Variants in C9 observed in about 807,000 individuals in gnomAD.
C9 encodes the protein complement component C9.
A neutral mutation model predicts 65.4 loss-of-function variants in C9; 63 were observed. The observed-to-expected ratio is 0.96, with a 90% CI of 0.79 to 1.19. The LOEUF (loss-of-function observed/expected upper bound fraction) is 1.19. Ranked by LOEUF, C9 falls within the 50% of genes most tolerant of loss-of-function variation. The probability of loss-of-function intolerance (pLI) is 0.00; values close to 1 mark genes in which losing one functional copy is unlikely to be tolerated. For missense variants in C9, 744 were observed against 670.1 expected (o/e 1.11, Z -1.22); for synonymous variants, 229 against 227.9 (o/e 1.00, Z -0.04).
intron 5 of C9, among the ~76,000 whole-genome samples, chr5:39,326,371 C>T (rs1406150018): frequency 6.6e-6 from 1 of 152,120 alleles, no homozygotes; most frequent in East Asian, 1.9e-4. Flanking sequence ...TGGATTTTAT[C>T]TCTTCTTCTT....
chr5:39,302,432 G>A (rs914322219), intron 9 of C9, among the ~76,000 whole-genome samples: 2 of 152,064 alleles, frequency 1.3e-5, no homozygotes, highest in African/African-American at 4.8e-5. Flanking sequence ...AATAAACTAT[G>A]TATACCAACT....
intron 10 of C9, among the ~76,000 whole-genome samples, 156 bp from the exon 11 acceptor site, chr5:39,285,389 A>T (rs1486080182): frequency 6.6e-6 from 1 of 152,156 alleles, no homozygotes; most frequent in East Asian, 1.9e-4. Flanking sequence ...GGTACAAGGC[A>T]CATTTTCATA....
intron 5 of C9, among the ~76,000 whole-genome samples, chr5:39,327,449 T>C (rs1753766947): frequency 6.6e-6 from 1 of 152,098 alleles, no homozygotes; most frequent in South Asian, 2.1e-4. Flanking sequence ...ATAATAGAAC[T>C]TGAAGATTGA....
intron 5 of C9, among the ~76,000 whole-genome samples, chr5:39,323,820 T>C (rs115508783): frequency 0.029 from 4,472 of 152,020 alleles, 200 homozygotes; most frequent in African/African-American, 0.099. Context: ...AGAGCAATTA[T>C]GCAAAAGAAA....
intron 1 of C9, among the ~76,000 whole-genome samples, chr5:39,343,755 C>T (rs975809885): frequency 1.3e-5 from 2 of 152,224 alleles, no homozygotes; most frequent in African/African-American, 4.8e-5. Context: ...CCCAAGTAGC[C>T]TAACTGGGAG....
At chr5:39,285,966 G>A (rs1167519972) in intron 10 of C9, among the ~76,000 whole-genome samples, 1 of 152,052 alleles carries the variant, frequency 6.6e-6, no homozygotes, top group Admixed American at 6.6e-5. Context: ...TGGATGCTTG[G>A]AAGATCTACC....
chr5:39,341,521 A>G (rs1487903338), intron 3 of C9, 35 bp downstream of exon 3: 2 of 1,610,928 alleles, frequency 1.2e-6, no homozygotes, highest in South Asian at 1.1e-5. Context: ...AGGCACACAG[A>G]AAGCCACAAT....
At chr5:39,321,059 T>G (rs974726404) in intron 5 of C9, among the ~76,000 whole-genome samples, 4 of 152,034 alleles carry the variant, frequency 2.6e-5, no homozygotes, top group Non-Finnish European at 5.9e-5. Context: ...AAAAGAATGA[T>G]AATTCATAAC....
At chr5:39,312,220 G>A (rs571254098) in intron 6 of C9, among the ~76,000 whole-genome samples, 1 of 152,174 alleles carries the variant, frequency 6.6e-6, no homozygotes, top group Non-Finnish European at 1.5e-5. Flanking sequence ...TCTTGCTAAA[G>A]GAGATGGCTA....
At chr5:39,311,443 TG>T (rs1385341707) in intron 6 of C9, 66 bp from the exon 7 acceptor site, 3 of 1,545,810 alleles carry the variant, frequency 1.9e-6, no homozygotes, top group Non-Finnish European at 2.7e-6. Context: ...TGAAAATTTA[TG>T]AAATTTAGAA....
rs191935590 is a variant in C9, at chr5:39,334,839, G to A, written c.477-3025C>T. On this transcript the variant is annotated intron_variant, in intron 4 of 10. Transcript: ENST00000263408. ...GTGTGCCCAGCAGCTCATTGAGAAC[G>A]GGCCATGATGGCAATGGCAGTTTTG... 2.9e-3 allele frequency among the ~76,000 whole-genome samples: 446 copies of A among 152,256 alleles called. 1 individual carries two copies. The highest frequency in any genetic ancestry group is 2.9e-3 in the Non-Finnish European group (196 of 68,012).
At chr5:39,361,204 T>A (rs2111993091) in intron 1 of C9, among the ~76,000 whole-genome samples, 1 of 152,246 alleles carries the variant, frequency 6.6e-6, no homozygotes, top group Non-Finnish European at 1.5e-5. Context: ...AGATTACGTA[T>A]GAGTCTATGG....
chr5:39,293,184 A>G (rs1392606717), intron 9 of C9, among the ~76,000 whole-genome samples: 1 of 151,932 alleles, frequency 6.6e-6, no homozygotes, highest in Non-Finnish European at 1.5e-5. Flanking sequence ...ACAATCAATA[A>G]AAAGACAGGA....
At chr5:39,355,234 T>A (rs1360695546) in intron 1 of C9, among the ~76,000 whole-genome samples, 2 of 152,158 alleles carry the variant, frequency 1.3e-5, no homozygotes, top group African/African-American at 4.8e-5. Context: ...AAGGTAAAAC[T>A]CACTGCAAAT....
chr5:39,331,566 C>A, intron 5 of C9, 110 bp downstream of exon 5: 1 of 923,492 alleles, frequency 1.1e-6, no homozygotes, highest in South Asian at 1.3e-5. Context: ...GTCTTGTGTT[C>A]ATGTGAAATT....
In C9 at chr5:39,288,935, T is replaced by C; in HGVS notation, c.1433A>G (p.Asn478Ser). Reference sequence around the variant, plus strand: ...ATTTTTCATTTTCACTGGAACCAGATTATATATAGGAGACAGCTGAAAGGA... The same window carrying C: ...ATTTTTCATTTTCACTGGAACCAGACTATATATAGGAGACAGCTGAAAGGA... ...LISQKLSPIY[N>S]LVPVKMKNAH... Residue 478 changes from asparagine to serine, a missense_variant, in exon 10 of 11, where the codon AAT (asparagine) becomes AGT (serine). Asn to Ser is a conservative substitution (Grantham distance 46). Transcript: ENST00000263408. 2 of 1,598,894 alleles carry C rather than the reference T, an allele frequency of 1.3e-6. No individual in the cohort carries two copies. Among genetic ancestry groups the C allele is most frequent in the South Asian group, 1.1e-5 (1 of 90,752 alleles).
At chr5:39,344,842 G>A (rs891430930) in intron 1 of C9, among the ~76,000 whole-genome samples, 2 of 152,186 alleles carry the variant, frequency 1.3e-5, no homozygotes, top group Non-Finnish European at 2.9e-5. Flanking sequence ...AACTCTACAA[G>A]CCAGAAGAGA....
intron 1 of C9, among the ~76,000 whole-genome samples, chr5:39,362,863 G>T (rs931515140): frequency 6.6e-6 from 1 of 152,164 alleles, no homozygotes; most frequent in African/African-American, 2.4e-5. Context: ...GGCAACCGGG[G>T]CAAACTCAAG....
intron 1 of C9, among the ~76,000 whole-genome samples, chr5:39,355,954 G>A (rs1293085278): frequency 6.6e-6 from 1 of 152,068 alleles, no homozygotes; most frequent in Non-Finnish European, 1.5e-5. Context: ...CCTTTTTAAA[G>A]GCCTTAACTG....
Sources: allele counts gnomAD v4.1 joint callset (sites outside exome capture counted in the v4.1 genomes callset), GRCh38; gene constraint gnomAD v4.1.1; transcripts MANE v1.5; gene names NCBI Gene and HGNC (gene_info 2026-07-23, HGNC 2026-07-21).